Variants in ING4 observed in about 807,000 individuals in gnomAD.
ING4 encodes inhibitor of growth family member 4, also known as inhibitor of growth protein 4.
Under a neutral mutation model 33.1 loss-of-function variants are expected in ING4, and 28 were observed. The ratio of observed to expected loss-of-function variants is 0.85; its 90% CI spans 0.63 to 1.16. The LOEUF (loss-of-function observed/expected upper bound fraction) is 1.16, where lower values mean the gene tolerates loss of function less well. ING4 is among the 50% of genes most tolerant of loss of function. ING4 has a pLI of 0.00. For synonymous variants in ING4, 87 were observed against 104.4 expected (o/e 0.83, Z 1.02); for missense variants, 247 against 314.7 (o/e 0.78, Z 1.63).
chr12:6,658,845 C>G (rs1242855695), intron 1 of ING4, among the ~76,000 whole-genome samples: 1 of 152,218 alleles, frequency 6.6e-6, no homozygotes. Context: ...ATGTCAGTCT[C>G]CCTTTGTGCT....
At chr12:6,661,415 T>TTG (rs1175178846) in intron 1 of ING4, among the ~76,000 whole-genome samples, 5 of 145,134 alleles carry the variant, frequency 3.4e-5, no homozygotes, top group African/African-American at 1.3e-4. Context: ...TGTTTTTTTT[T>TTG]TTTTTTTTTT....
intron 1 of ING4, among the ~76,000 whole-genome samples, chr12:6,660,296 T>C (rs534992709): frequency 2.0e-5 from 3 of 151,472 alleles, no homozygotes; most frequent in Admixed American, 6.6e-5. Flanking sequence ...CCTGTCTCTA[T>C]AAAAATTAAA....
At chr12:6,662,861 C>A (rs1949601622) in intron 1 of ING4, among the ~76,000 whole-genome samples, 1 of 146,588 alleles carries the variant, frequency 6.8e-6, no homozygotes, top group Non-Finnish European at 1.5e-5. Context: ...CCACACCGCA[C>A]CCCTCCCTCG....
chr12:6,653,209 G>A lies in ING4; in HGVS notation c.276+21C>T, dbSNP rs191924892. On this transcript the variant is annotated intron_variant, in intron 3 of 7. Transcript: ENST00000341550. The stretch of plus-strand genomic sequence containing the variant: ...GAGGATTAGATGGGAAGTAGGTGGG[G>A]AGCCATGAACAGGGCCATACCATCT... The A allele has an allele frequency of 3.7e-6, 6 of 1,613,024 alleles. No homozygotes were observed. The African/African-American group carries it at 4.0e-5, about 11-fold the overall frequency.
intron 2 of ING4, 200 bp downstream of exon 2, chr12:6,656,527 T>C (rs912574973): frequency 4.0e-6 from 2 of 500,874 alleles, no homozygotes; most frequent in African/African-American, 4.1e-5. Context: ...TGAGGCGTTT[T>C]CACAATACTC....
At chr12:6,656,980 T>G (rs549585031) in intron 1 of ING4, among the ~76,000 whole-genome samples, 182 bp from the exon 2 acceptor site, 1 of 151,216 alleles carries the variant, frequency 6.6e-6, no homozygotes, top group East Asian at 2.0e-4. Context: ...TGGCGAGACC[T>G]CCATCTCTAT....
intron 3 of ING4, 32 bp downstream of exon 3, chr12:6,653,198 A>T: frequency 6.2e-7 from 1 of 1,612,072 alleles, no homozygotes; most frequent in Non-Finnish European, 8.5e-7. Flanking sequence ...ATTAGATGGG[A>T]AGTAGGTGGG....
At chr12:6,661,315 C>T (rs1304269556) in intron 1 of ING4, among the ~76,000 whole-genome samples, 1 of 151,776 alleles carries the variant, frequency 6.6e-6, no homozygotes, top group Non-Finnish European at 1.5e-5. Flanking sequence ...CCAGGCTGGT[C>T]TCGATCTCCT....
intron 1 of ING4, among the ~76,000 whole-genome samples, chr12:6,661,194 T>C (rs1032577586): frequency 6.6e-6 from 1 of 151,334 alleles, no homozygotes; most frequent in Non-Finnish European, 1.5e-5. Flanking sequence ...ACCTCCCAGG[T>C]TCAAGCGATT....
chr12:6,653,167 G>A, intron 3 of ING4, 63 bp downstream of exon 3: 2 of 1,599,560 alleles, frequency 1.3e-6, no homozygotes, highest in Non-Finnish European at 1.7e-6. Context: ...ACAGTTGAAG[G>A]AGGGGTCTAA....
chr12:6,652,604 G>T, intron 5 of ING4, 58 bp downstream of exon 5: 1 of 1,498,588 alleles, frequency 6.7e-7, no homozygotes, highest in Non-Finnish European at 9.3e-7. Context: ...CAGGCTGGGA[G>T]TGGGGCACCG....
chr12:6,660,280 C>T (rs543532060), intron 1 of ING4, among the ~76,000 whole-genome samples: 3 of 151,688 alleles, frequency 2.0e-5, no homozygotes, highest in African/African-American at 7.3e-5. Context: ...GGCAATATGG[C>T]CAGATCCTGT....
rs751327177 is a variant in ING4, at chr12:6,656,824, A to G, written c.38-26T>C. 5 of 1,413,520 alleles carry G rather than the reference A, an allele frequency of 3.5e-6. No homozygotes were observed. The South Asian group carries it at 6.4e-5, about 18-fold the overall frequency. 87.6% of individuals were successfully genotyped at this position (1,413,520 alleles called of 1,614,324 possible). A position where few individuals can be genotyped will look rare whatever the true frequency, so the allele number is the denominator to read the frequency against. On this transcript the variant is annotated intron_variant, in intron 1 of 7. Transcript: ENST00000341550. ...CTAGGGAAGAGAGAGAAACAATCAC[A>G]GGACTGACTATGCATAGGCCTTACA...
intron 1 of ING4, 89 bp downstream of exon 1, chr12:6,662,976 G>A: frequency 1.4e-6 from 2 of 1,382,314 alleles, no homozygotes; most frequent in Non-Finnish European, 2.0e-6. Flanking sequence ...TGACCTTCTC[G>A]TCACTGGAAC....
rs369078014 is a variant in ING4 at position 6,652,923 on chromosome 12, GC to G, written c.391+12del. The G allele has an allele frequency of 3.8e-6, 6 of 1,599,344 alleles. No homozygotes were observed. The African/African-American group carries it at 8.1e-5, about 22-fold the overall frequency. ...TCCTCGCCCCACCTCTCACAGCCCC[GC>G]CCCCTCCTCACTCTTTTTGCCTTTG... On this transcript the variant is annotated intron_variant, in intron 4 of 7. Transcript: ENST00000341550.
intron 2 of ING4, among the ~76,000 whole-genome samples, chr12:6,653,627 T>C (rs1410281060): frequency 6.6e-6 from 1 of 152,254 alleles, no homozygotes; most frequent in Non-Finnish European, 1.5e-5. Flanking sequence ...AGTTGGAATT[T>C]AAATTACTGA....
chr12:6,656,358 T>G (rs962571380), intron 2 of ING4: 2 of 239,622 alleles, frequency 8.3e-6, no homozygotes, highest in South Asian at 9.3e-5. Flanking sequence ...GTATTTTTAG[T>G]AGAGATGGGG....
intron 1 of ING4, among the ~76,000 whole-genome samples, chr12:6,661,832 C>A (rs146215840): frequency 6.6e-6 from 1 of 152,302 alleles, no homozygotes; most frequent in African/African-American, 2.4e-5. Flanking sequence ...CTAAATACTT[C>A]TGTAACTCCC....
rs772077815 is a variant in ING4, at chr12:6,651,543, ATTC to A, written c.646-161_646-159del. 2.0e-4 allele frequency among the ~76,000 whole-genome samples: 30 copies of A among 151,964 alleles called. 1 individual carries two copies. The highest frequency in any genetic ancestry group is 4.1e-4 in the Non-Finnish European group (28 of 67,966). On this transcript the variant is annotated intron_variant, in intron 6 of 7. Coordinates refer to ENST00000341550, the MANE Select transcript of ING4 (RefSeq NM_016162.4). ...AACCAGTTCCCACCATCTTCCTTCT[ATTC>A]TTTTTTTCTTTTTGAGGCAGAGTCT...
Sources: gnomAD v4.1 joint callset for allele counts (sites outside exome capture counted in the v4.1 genomes callset) on GRCh38, gnomAD v4.1.1 for gene constraint, MANE v1.5 for transcripts, NCBI Gene and HGNC (gene_info 2026-07-23, HGNC 2026-07-21) for gene names.